Variants in SLC39A5 observed in about 807,000 individuals in gnomAD.
SLC39A5 encodes the protein solute carrier family 39 member 5.
SLC39A5 carries 42 observed loss-of-function variants against 46.9 expected under a neutral mutation model. That is an observed-to-expected ratio of 0.90 (90% confidence interval 0.70 to 1.16). SLC39A5 has a LOEUF of 1.16. SLC39A5 is among the 50% of genes most tolerant of loss of function. The pLI is 0.00. For synonymous variants in SLC39A5, 311 were observed against 323.1 expected, an observed-to-expected ratio of 0.96 and a Z score of 0.40; for missense variants, 677 against 686.8, an observed-to-expected ratio of 0.99 and a Z score of 0.16.
At position 56,231,176 on chromosome 12, in the gene SLC39A5, A is replaced by AGCTCC. The variant is rs1338654484; in HGVS notation, c.-71-27_-71-23dup. On this transcript the variant is annotated intron_variant, in intron 3 of 12. Transcript: ENST00000454355. ...GGACCTGAGCTGGAGAGCAGAGCGC[A>AGCTCC]GCTCCAGCCCATTCCTCATTCTTCC... The AGCTCC allele has an allele frequency of 2.4e-5, 32 of 1,343,918 alleles. No homozygotes were observed. The East Asian group carries it at 7.6e-4, about 32-fold the overall frequency. 83.2% of individuals were successfully genotyped at this position (1,343,918 alleles called of 1,614,324 possible). A position where few individuals can be genotyped will look rare whatever the true frequency, so the allele number is the denominator to read the frequency against.
intron 5 of SLC39A5, among the ~76,000 whole-genome samples, chr12:56,234,093 G>A (rs1870491003): frequency 1.3e-5 from 2 of 151,984 alleles, no homozygotes; most frequent in Non-Finnish European, 2.9e-5. Context: ...AGGAGCAAAG[G>A]GGACCCTGGG....
At chr12:56,233,455 T>C (rs926791436) in intron 5 of SLC39A5, among the ~76,000 whole-genome samples, 29 of 149,376 alleles carry the variant, frequency 1.9e-4, no homozygotes, top group African/African-American at 6.7e-4. Flanking sequence ...GTCTCAAAAA[T>C]GAAAATAAAA....
At chr12:56,236,887 G>A in intron 10 of SLC39A5, 44 bp from the exon 11 acceptor site, 1 of 1,611,142 alleles carries the variant, frequency 6.2e-7, no homozygotes, top group Non-Finnish European at 8.5e-7. Context: ...CTTCTGAGGA[G>A]ACTTTTCTTC....
At chr12:56,235,860 T>C (rs1460912266) in intron 8 of SLC39A5, 160 bp downstream of exon 8, 3 of 876,270 alleles carry the variant, frequency 3.4e-6, no homozygotes, top group Non-Finnish European at 5.4e-6. Flanking sequence ...CTGACCAACA[T>C]GGTGAAACCC....
chr12:56,236,371 C>T (rs778183417), intron 8 of SLC39A5, 25 bp from the exon 9 acceptor site: 4 of 1,598,344 alleles, frequency 2.5e-6, no homozygotes, highest in Non-Finnish European at 8.6e-7. Context: ...CCTCCTCCAC[C>T]AGGAGGGATG....
chr12:56,231,968 G>T (rs1403142637), intron 4 of SLC39A5, among the ~76,000 whole-genome samples: 1 of 151,588 alleles, frequency 6.6e-6, no homozygotes, highest in African/African-American at 2.4e-5. Flanking sequence ...GCTCAGCTCA[G>T]CGATCTGCCT....
intron 5 of SLC39A5, 77 bp from the exon 6 acceptor site, chr12:56,234,747 A>C: frequency 3.3e-6 from 5 of 1,505,732 alleles, no homozygotes; most frequent in Non-Finnish European, 4.6e-6. Flanking sequence ...GGTGTGAGCC[A>C]CTACACCTGG....
rs575843018 is a variant in SLC39A5 at position 56,235,278 on chromosome 12, G to A, written c.756G>A (p.Leu252=). 2.6e-6 allele frequency: 4 copies of A among 1,558,316 alleles called. No homozygotes were observed. The African/African-American group carries it at 4.1e-5, about 16-fold the overall frequency. Residue 252 remains leucine (L), a synonymous_variant, in exon 7 of 13, where the codon CTG becomes CTA. Coordinates refer to ENST00000454355, the MANE Select transcript of SLC39A5 (RefSeq NM_173596.3). Reference sequence around the variant, plus strand: ...CCTTGCTGGGCTTCCTGGGGGCCCTGGCGGTGGGCACTCTTTGTGGGGATG... The same window carrying A: ...CCTTGCTGGGCTTCCTGGGGGCCCTAGCGGTGGGCACTCTTTGTGGGGATG... ...LRPLLGFLGA[L]AVGTLCGDAL... is the part of the protein sequence containing the mutation.
chr12:56,231,062 G>A (rs1870154101), intron 3 of SLC39A5, 142 bp from the exon 4 acceptor site: 2 of 521,728 alleles, frequency 3.8e-6, no homozygotes, highest in African/African-American at 1.9e-5. Flanking sequence ...GCTCCCGCAG[G>A]AGGCAGTGTG....
intron 11 of SLC39A5, 57 bp from the exon 12 acceptor site, chr12:56,237,093 C>T: frequency 1.7e-5 from 27 of 1,611,940 alleles, no homozygotes; most frequent in Non-Finnish European, 2.2e-5. Context: ...TGGTGGGTGG[C>T]ATGGATGAGG....
At chr12:56,232,303 T>C (rs994192955) in intron 4 of SLC39A5, among the ~76,000 whole-genome samples, 8 of 151,016 alleles carry the variant, frequency 5.3e-5, no homozygotes, top group Non-Finnish European at 8.9e-5. Flanking sequence ...GTAGCTGGGA[T>C]TACAGGCACA....
Position 56,231,435 on chromosome 12 carries a change from C to G in SLC39A5, c.161C>G (p.Thr54Ser). ...FGLYGENGTL[T>S]AGGLARLLHS... is the part of the protein sequence containing the mutation. Reference sequence around the variant, plus strand: ...CTGTACGGCGAGAATGGGACGCTGACTGCAGGGGGCTTGGCGCGGCTTCTC... The same window carrying G: ...CTGTACGGCGAGAATGGGACGCTGAGTGCAGGGGGCTTGGCGCGGCTTCTC... Residue 54 changes from threonine to serine, a missense_variant, in exon 4 of 13, where the codon ACT (threonine) becomes AGT (serine). By Grantham distance (58) the Thr-to-Ser change is moderately conservative. Transcript: ENST00000454355. The G allele has an allele frequency of 6.2e-7, 1 of 1,614,112 alleles. No homozygotes were observed. The highest frequency in any genetic ancestry group is 1.3e-5 in the African/African-American group (1 of 75,058).
chr12:56,234,784 T>C lies in SLC39A5; in HGVS notation c.472-40T>C, dbSNP rs765937851. The C allele has an allele frequency of 3.7e-6, 6 of 1,609,886 alleles. No individual in the cohort carries two copies. In the African/African-American group the frequency reaches 4.0e-5, roughly 11 times the overall value. On this transcript the variant is annotated intron_variant, in intron 5 of 12. Transcript: ENST00000454355. Reference sequence around the variant, plus strand: ...CAGGTGTTAAAGATCTGAGTCATAGTTCCTGGTGATTCTCCAATGTATGAC... The same window carrying C: ...CAGGTGTTAAAGATCTGAGTCATAGCTCCTGGTGATTCTCCAATGTATGAC...
Position 56,235,292 on chromosome 12 carries a change from T to C in SLC39A5, c.770T>C (p.Leu257Pro), listed in dbSNP as rs775721729. The C allele has an allele frequency of 3.9e-6, 6 of 1,544,370 alleles. No homozygotes were observed. Among genetic ancestry groups the C allele is most frequent in the Non-Finnish European group, 2.6e-6 (3 of 1,153,444 alleles). ...CTGGGGGCCCTGGCGGTGGGCACTC[T>C]TTGTGGGGATGCACTGCTACATCTG... ...GFLGALAVGT[L>P]CGDALLHLLP... The change falls in exon 7 of 13, where the codon CTT (leucine) becomes CCT (proline). Residue 257 changes from leucine to proline, a missense_variant. By Grantham distance (98) the Leu-to-Pro change is moderately conservative (BLOSUM62 -3). Transcript: ENST00000454355.
rs1389909905 is a variant in SLC39A5, at chr12:56,230,062, C to A, written c.-231C>A. On this transcript the variant is annotated 5_prime_UTR_variant, in exon 1 of 13. Transcript: ENST00000454355. ...TTGCCCGCCTGCCTGCCTGCCCCCCCAGCTGGAACCAAGAAGGTTGTGTCC... is the reference window on the plus strand; with the variant it reads ...TTGCCCGCCTGCCTGCCTGCCCCCCAAGCTGGAACCAAGAAGGTTGTGTCC... 1 of 151,208 alleles carries A rather than the reference C, an allele frequency of 6.6e-6. No homozygotes were observed. Among genetic ancestry groups the A allele is most frequent in the African/African-American group, 2.5e-5 (1 of 40,392 alleles). The allele number at this position is 151,208 out of a possible 1,614,324, so 9.4% of individuals were successfully genotyped here.
Position 56,231,257 on chromosome 12 carries a change from A to G in SLC39A5, c.-18A>G, listed in dbSNP as rs1313171375. 5.1e-6 allele frequency: 8 copies of G among 1,581,642 alleles called. No homozygotes were observed. Among genetic ancestry groups the G allele is most frequent in the Non-Finnish European group, 1.7e-6 (2 of 1,163,338 alleles). On this transcript the variant is annotated 5_prime_UTR_variant, in exon 4 of 13. Coordinates refer to ENST00000454355, the MANE Select transcript of SLC39A5 (RefSeq NM_173596.3). ...AATAGGAGCCAGAACCTGAGCCCCT[A>G]AGCTATTCCCCTCACCAATGATGGG...
intron 5 of SLC39A5, 99 bp from the exon 6 acceptor site, chr12:56,234,725 G>T: frequency 1.5e-6 from 2 of 1,359,878 alleles, no homozygotes; most frequent in Non-Finnish European, 2.1e-6. Flanking sequence ...CCTCTCAAGG[G>T]CTGGGATTAT....
intron 3 of SLC39A5, 23 bp downstream of exon 3, chr12:56,230,896 T>C (rs1331934747): frequency 5.0e-6 from 1 of 199,460 alleles, no homozygotes; most frequent in East Asian, 1.2e-4. Flanking sequence ...ATGTTGCCAG[T>C]AGGGGTGAGG....
chr12:56,235,243 C>A lies in SLC39A5; in HGVS notation c.721C>A (p.Leu241Ile). The change falls in exon 7 of 13, where the codon CTA (leucine) becomes ATA (isoleucine). Residue 241 changes from leucine to isoleucine, a missense_variant. Transcript: ENST00000454355. The part of the protein sequence containing the change: ...LLLLRLLGPR[L>I]LRPLLGFLGA... ...GCTGCTGCGGCTCCTGGGACCTCGT[C>A]TACTACGGCCCTTGCTGGGCTTCCT... 1 of 1,582,864 alleles carries A rather than the reference C, an allele frequency of 6.3e-7. No individual in the cohort carries two copies. Among genetic ancestry groups the A allele is most frequent in the Non-Finnish European group, 8.6e-7 (1 of 1,166,640 alleles).
Sources: gnomAD v4.1 joint callset for allele counts (sites outside exome capture counted in the v4.1 genomes callset) on GRCh38, gnomAD v4.1.1 for gene constraint, MANE v1.5 for transcripts, NCBI Gene and HGNC (gene_info 2026-07-23, HGNC 2026-07-21) for gene names.